PSKH1: variants seen among roughly 807,000 people sequenced by gnomAD.
PSKH1 encodes the protein serine/threonine-protein kinase H1.
Under a neutral mutation model 26.7 loss-of-function variants are expected in PSKH1, and 12 were observed. The ratio of observed to expected loss-of-function variants is 0.45; its 90% confidence interval spans 0.29 to 0.73. The LOEUF is 0.73. Among genes scored for constraint, PSKH1 ranks in the 30% least tolerant of loss-of-function variants. PSKH1 has a pLI of 0.11. For missense variants in PSKH1, 431 were observed against 595.2 expected, an observed-to-expected ratio of 0.72 and a Z score of 2.87; for synonymous variants, 213 against 234.3, an observed-to-expected ratio of 0.91 and a Z score of 0.83.
chr16:67,895,410 A>AT (rs569189607), intron 1 of PSKH1, among the ~76,000 whole-genome samples: 14,824 of 137,858 alleles, frequency 0.11, 2,198 homozygotes, highest in African/African-American at 0.34. Flanking sequence ...AGGAATCTGT[A>AT]TTTTTTTTTT....
chr16:67,910,337 G>A (rs976879679), intron 2 of PSKH1, among the ~76,000 whole-genome samples: 1 of 152,208 alleles, frequency 6.6e-6, no homozygotes, highest in Non-Finnish European at 1.5e-5. Flanking sequence ...TGTGGGCAGG[G>A]CCTTCCCAGC....
intron 2 of PSKH1, among the ~76,000 whole-genome samples, chr16:67,920,774 G>A (rs914188505): frequency 6.6e-6 from 1 of 152,200 alleles, no homozygotes; most frequent in Middle Eastern, 3.2e-3. Flanking sequence ...CGGTAGATGT[G>A]TGGTGCCCAG....
intron 2 of PSKH1, among the ~76,000 whole-genome samples, chr16:67,921,650 G>A (rs1330916435): frequency 2.0e-5 from 3 of 152,014 alleles, no homozygotes; most frequent in South Asian, 4.1e-4. Flanking sequence ...TGGCCTCAGC[G>A]GAACCCTTGA....
In PSKH1 at chr16:67,909,616, C is replaced by T; in HGVS notation, c.867C>T (p.Ile289=). ...DMWALGVIAY[I]LLSGTMPFED... is the part of the protein sequence containing the mutation. ...GGGCGCTGGGCGTCATTGCCTACAT[C>T]CTACTCAGTGGCACCATGCCGTTTG... is the stretch of plus-strand genomic sequence containing the variant. The change falls in exon 2 of 3, where the codon ATC becomes ATT. Residue 289 remains isoleucine (I), a synonymous_variant. Transcript: ENST00000291041. This position sits in a 1 kb window ranked among gnomAD's most constrained non-coding sequence, Gnocchi z 7.8. 1 of 1,614,078 alleles carries T rather than the reference C, an allele frequency of 6.2e-7. No individual in the cohort carries two copies. Among genetic ancestry groups the T allele is most frequent in the Non-Finnish European group, 8.5e-7 (1 of 1,180,050 alleles).
Position 67,909,175 on chromosome 16 carries a change from G to C in PSKH1, c.426G>C (p.Ser142=). Residue 142 remains serine, a synonymous_variant, in exon 2 of 3, where the codon TCG becomes TCC. Transcript: ENST00000291041. The surrounding 1 kb of genome is among the most constrained non-coding windows in gnomAD (Gnocchi z 7.8). The part of the protein sequence containing the change: ...KYREGREVCE[S]ELRVLRRVRH... ...GGGAGGGGCGGGAGGTGTGTGAGTCGGAGCTGCGTGTGCTGCGTCGGGTGC... is the reference window on the plus strand; with the variant it reads ...GGGAGGGGCGGGAGGTGTGTGAGTCCGAGCTGCGTGTGCTGCGTCGGGTGC... 9 of 1,614,112 alleles carry C rather than the reference G, an allele frequency of 5.6e-6. No homozygotes were observed. The highest frequency in any genetic ancestry group is 7.6e-6 in the Non-Finnish European group (9 of 1,180,022).
chr16:67,896,524 A>G (rs996573541), intron 1 of PSKH1, among the ~76,000 whole-genome samples: 1 of 149,346 alleles, frequency 6.7e-6, no homozygotes, highest in Non-Finnish European at 1.5e-5. Context: ...AAAACTGACA[A>G]TAGTGTGCTT....
intron 2 of PSKH1, among the ~76,000 whole-genome samples, chr16:67,918,831 A>G (rs2058194546): frequency 6.6e-6 from 1 of 152,076 alleles, no homozygotes; most frequent in African/African-American, 2.4e-5. Context: ...ACCTCAGGTG[A>G]TCTGCCTGCC....
At chr16:67,902,273 GAAAT>G (rs911913101) in intron 1 of PSKH1, among the ~76,000 whole-genome samples, 3 of 149,500 alleles carry the variant, frequency 2.0e-5, no homozygotes, top group East Asian at 3.9e-4. Context: ...AAAAAAAAAA[GAAAT>G]AAAAATGAAT....
intron 1 of PSKH1, among the ~76,000 whole-genome samples, chr16:67,905,075 C>G (rs1343301600): frequency 1.3e-5 from 2 of 152,166 alleles, no homozygotes; most frequent in East Asian, 3.9e-4. Flanking sequence ...ATCCACCCGC[C>G]TCGGCCTCCC....
intron 2 of PSKH1, among the ~76,000 whole-genome samples, chr16:67,919,102 C>A (rs537030785): frequency 6.6e-6 from 1 of 152,250 alleles, no homozygotes; most frequent in South Asian, 2.1e-4. Context: ...GGACCTCATC[C>A]CAGAGTCATG....
intron 2 of PSKH1, among the ~76,000 whole-genome samples, chr16:67,919,246 T>C (rs147696984): frequency 6.6e-6 from 1 of 152,206 alleles, no homozygotes; most frequent in African/African-American, 2.4e-5. Flanking sequence ...TGCCTGACTT[T>C]TCTCACCTTC....
chr16:67,909,937 C>A lies in PSKH1; in HGVS notation c.957+231C>A. ...TTTATTTGGGATGTGATTTGAGTAA[C>A]TAAAAGTGAAGGAGTGGGAAAAGTG... On this transcript the variant is annotated intron_variant, in intron 2 of 2. Transcript: ENST00000291041. This position sits in a 1 kb window ranked among gnomAD's most constrained non-coding sequence, Gnocchi z 7.8. 1 of 570,130 alleles carries A rather than the reference C, an allele frequency of 1.8e-6. No individual in the cohort carries two copies. Among genetic ancestry groups the A allele is most frequent in the Non-Finnish European group, 3.1e-6 (1 of 320,124 alleles). 35.3% of individuals were successfully genotyped at this position (570,130 alleles called of 1,614,324 possible). A position where few individuals can be genotyped will look rare whatever the true frequency, so the allele number is the denominator to read the frequency against.
chr16:67,907,555 C>T (rs1042204088), intron 1 of PSKH1, among the ~76,000 whole-genome samples: 6 of 152,202 alleles, frequency 3.9e-5, no homozygotes, highest in African/African-American at 1.4e-4. Context: ...GCCACTGTGC[C>T]CGGCCCCGCC....
intron 1 of PSKH1, among the ~76,000 whole-genome samples, chr16:67,904,753 A>G (rs982294272): frequency 6.6e-6 from 1 of 151,020 alleles, no homozygotes; most frequent in Non-Finnish European, 1.5e-5. Context: ...AAGAGCTGGG[A>G]TTACTCCCGG....
chr16:67,926,401 A>C (rs2058216486), intron 2 of PSKH1, among the ~76,000 whole-genome samples: 1 of 152,236 alleles, frequency 6.6e-6, no homozygotes, highest in African/African-American at 2.4e-5. Context: ...GGGAATACTA[A>C]ACGAACATGA....
chr16:67,912,724 C>T (rs1331519820), intron 2 of PSKH1, among the ~76,000 whole-genome samples: 2 of 152,048 alleles, frequency 1.3e-5, no homozygotes, highest in Non-Finnish European at 2.9e-5. Context: ...CAAAATTAGC[C>T]GGGCGTGGTG....
intron 1 of PSKH1, among the ~76,000 whole-genome samples, chr16:67,902,633 G>A (rs1399216013): frequency 6.6e-6 from 1 of 152,010 alleles, no homozygotes; most frequent in Non-Finnish European, 1.5e-5. Flanking sequence ...TTTTCCCTGA[G>A]GACCAGACTA....
chr16:67,928,407 C>G lies in PSKH1; in HGVS notation c.*765C>G, dbSNP rs905818512. The G allele has an allele frequency of 1.3e-5, 2 of 152,682 alleles. No individual in the cohort carries two copies. Among genetic ancestry groups the G allele is most frequent in the Non-Finnish European group, 2.9e-5 (2 of 68,100 alleles). The allele number at this position is 152,682 out of a possible 1,614,324, so 9.5% of individuals were successfully genotyped here. On this transcript the variant is annotated 3_prime_UTR_variant, in exon 3 of 3. Transcript: ENST00000291041. This position sits in a 1 kb window ranked among gnomAD's most constrained non-coding sequence, Gnocchi z 4.8. ...GCCCTTGGTGCCTTCTTTGTAGAGCCCACCGCTACCTCCCTCTCCCCGTTG... is the reference window on the plus strand; with the variant it reads ...GCCCTTGGTGCCTTCTTTGTAGAGCGCACCGCTACCTCCCTCTCCCCGTTG...
chr16:67,893,912 A>G (rs910356839), intron 1 of PSKH1, among the ~76,000 whole-genome samples: 7 of 152,186 alleles, frequency 4.6e-5, no homozygotes, highest in African/African-American at 1.7e-4. Flanking sequence ...GTCCCCCTCC[A>G]TAAAGCGGCT....
Sources: allele counts gnomAD v4.1 joint callset (sites outside exome capture counted in the v4.1 genomes callset), GRCh38; gene constraint gnomAD v4.1.1; non-coding constraint Gnocchi (gnomAD v3.1); transcripts MANE v1.5; gene names NCBI Gene and HGNC (gene_info 2026-07-23, HGNC 2026-07-21).